The following EOGT variants were observed in gnomAD, a reference collection of about 807,000 sequenced individuals.
EOGT encodes the protein EGF domain specific O-linked N-acetylglucosamine transferase, also known as EGF domain-specific O-linked N-acetylglucosamine transferase.
In EOGT, 55 loss-of-function variants were observed where a neutral mutation model predicts 70.5. The observed-to-expected ratio is 0.78, with a 90% CI of 0.63 to 0.98. The LOEUF (loss-of-function observed/expected upper bound fraction) is 0.98, where lower values mean the gene tolerates loss of function less well. EOGT is among the 50% of genes least tolerant of loss of function. The pLI, the probability that EOGT is intolerant of heterozygous loss-of-function variation, is 0.00. For synonymous variants in EOGT, 246 were observed against 217.1 expected, an observed-to-expected ratio of 1.13 and a Z score of -1.17; for missense variants, 703 against 641.9, an observed-to-expected ratio of 1.10 and a Z score of -1.03.
rs2091638582 is a variant in EOGT at position 69,013,681 on chromosome 3, G to A, written c.-463C>T. 1 of 152,776 alleles carries A rather than the reference G, an allele frequency of 6.5e-6. No individual in the cohort carries two copies. The highest frequency in any genetic ancestry group is 6.5e-5 in the Admixed American group (1 of 15,290). 9.5% of individuals were successfully genotyped at this position (152,776 alleles called of 1,614,324 possible). On this transcript the variant is annotated 5_prime_UTR_variant, in exon 1 of 18. Transcript: ENST00000383701. ...GCTACTGCCGCTCACCGGAAACCTC[G>A]GGCGCGGGAGCTGGGCCAGGGGGCG...
chr3:69,007,571 G>T, intron 6 of EOGT, 142 bp downstream of exon 6: 3 of 312,328 alleles, frequency 9.6e-6, no homozygotes, highest in Non-Finnish European at 1.9e-5. Context: ...AGAATTCCTT[G>T]AACCTGGGAG....
intron 11 of EOGT, 104 bp from the exon 12 acceptor site, chr3:68,988,681 A>G: frequency 1.4e-6 from 1 of 713,180 alleles, no homozygotes; most frequent in East Asian, 2.7e-5. Flanking sequence ...TCCATTTTGC[A>G]TTGCTTGAAT....
At chr3:68,989,640 C>T (rs1216945078) in intron 10 of EOGT, among the ~76,000 whole-genome samples, 2 of 149,944 alleles carry the variant, frequency 1.3e-5, no homozygotes, top group Non-Finnish European at 2.9e-5. Flanking sequence ...CCCAGCTACT[C>T]GGGAGGCTGA....
rs2090451834 is a variant in EOGT, at chr3:68,975,531, T to G, written c.*2087A>C. On this transcript the variant is annotated 3_prime_UTR_variant, in exon 18 of 18. Coordinates refer to ENST00000383701, the MANE Select transcript of EOGT (RefSeq NM_001278689.2). ...TAAAATGAGGTAAGAAGACAAACGG[T>G]GAAACTTTTTTCAGATCATTTTTTC... 1 of 140,472 alleles carries G rather than the reference T, an allele frequency of 7.1e-6. No homozygotes were observed. The highest frequency in any genetic ancestry group is 2.8e-5 in the African/African-American group (1 of 35,984). The allele number at this position is 140,472 out of a possible 1,614,324, so 8.7% of individuals were successfully genotyped here.
chr3:68,996,647 G>A (rs1376216311), intron 10 of EOGT, among the ~76,000 whole-genome samples: 2 of 152,172 alleles, frequency 1.3e-5, no homozygotes, highest in Non-Finnish European at 2.9e-5. Context: ...TGCCCCAGGC[G>A]AATCTTGTCT....
chr3:69,009,641 T>C lies in EOGT; in HGVS notation c.206A>G (p.Tyr69Cys), dbSNP rs764182712. Reference sequence around the variant, plus strand: ...GAGAAAAGAAATAATACCTACCTTATATGGACAAAGAGAGTCTTTCCTACA... The same window carrying C: ...GAGAAAAGAAATAATACCTACCTTACATGGACAAAGAGAGTCTTTCCTACA... ...TVCRKDSLCP[Y>C]KKHLEKLKYC... The change falls in exon 4 of 18, where the codon TAT becomes TGT. Residue 69 changes from tyrosine to cysteine, a missense_variant. By Grantham distance (194) the Tyr-to-Cys change is radical (BLOSUM62 -2). Coordinates refer to ENST00000383701, the MANE Select transcript of EOGT (RefSeq NM_001278689.2). 1.7e-5 allele frequency: 27 copies of C among 1,610,756 alleles called. No homozygotes were observed. The highest frequency in any genetic ancestry group is 8.3e-5 in the Admixed American group (5 of 59,988).
chr3:69,011,004 G>C (rs2091560365), intron 3 of EOGT, among the ~76,000 whole-genome samples: 1 of 152,086 alleles, frequency 6.6e-6, no homozygotes, highest in South Asian at 2.1e-4. Context: ...ACACTAAGCA[G>C]TCTGCCTCAA....
intron 3 of EOGT, among the ~76,000 whole-genome samples, chr3:69,011,581 G>T (rs1176029869): frequency 7.4e-6 from 1 of 134,996 alleles, no homozygotes; most frequent in African/African-American, 2.8e-5. Flanking sequence ...GGTAATGCGA[G>T]GGAGACTCTG....
intron 9 of EOGT, among the ~76,000 whole-genome samples, chr3:68,999,541 TAATAACATTGTGTGCCAGA>T (rs1398315752): frequency 6.6e-6 from 1 of 152,196 alleles, no homozygotes; most frequent in Non-Finnish European, 1.5e-5. Flanking sequence ...CCACAGTGAA[TAATAACATTGTGTGCCAGA>T]AATAACAGTA....
chr3:68,990,538 G>GA (rs1408834669), intron 10 of EOGT, among the ~76,000 whole-genome samples: 1 of 152,006 alleles, frequency 6.6e-6, no homozygotes, highest in African/African-American at 2.4e-5. Context: ...TCTTTTGATA[G>GA]AGACAGGGTT....
intron 8 of EOGT, among the ~76,000 whole-genome samples, chr3:69,002,157 G>A (rs1291310570): frequency 6.6e-6 from 1 of 152,206 alleles, no homozygotes; most frequent in African/African-American, 2.4e-5. Context: ...GTGCCAAAAG[G>A]AGCCGAGGCT....
At chr3:68,983,128 G>A (rs2090697861) in intron 14 of EOGT, among the ~76,000 whole-genome samples, 1 of 152,220 alleles carries the variant, frequency 6.6e-6, no homozygotes, top group African/African-American at 2.4e-5. Flanking sequence ...GCACTGTGTT[G>A]CTGTGAGGCT....
intron 5 of EOGT, among the ~76,000 whole-genome samples, chr3:69,008,069 T>C (rs535368928): frequency 3.9e-5 from 6 of 152,318 alleles, no homozygotes; most frequent in African/African-American, 1.4e-4. Flanking sequence ...CTGAAGCCAA[T>C]GATGCATTCT....
intron 14 of EOGT, among the ~76,000 whole-genome samples, chr3:68,985,166 T>C (rs182216689): frequency 2.2e-4 from 33 of 152,310 alleles, no homozygotes; most frequent in African/African-American, 7.5e-4. Context: ...TACCAATATA[T>C]ACTGTTGATC....
At position 68,981,488 on chromosome 3, in the gene EOGT, G is replaced by A. The variant is rs567335598; in HGVS notation, c.1214+1323C>T. Among the ~76,000 whole-genome samples, 88 of 152,338 alleles carry A rather than the reference G, an allele frequency of 5.8e-4. 3 individuals carry two copies. In the South Asian group the frequency reaches 0.018, roughly 30 times the overall value. ...CACAGTGTTAGATTTGGGAAACACAGCTGTGACTGTAGGTGGACATGGAGA... is the reference window on the plus strand; with the variant it reads ...CACAGTGTTAGATTTGGGAAACACAACTGTGACTGTAGGTGGACATGGAGA... On this transcript the variant is annotated intron_variant, in intron 15 of 17. Coordinates refer to ENST00000383701, the MANE Select transcript of EOGT (RefSeq NM_001278689.2).
chr3:68,987,294 A>C (rs1241443550), intron 14 of EOGT, 151 bp downstream of exon 14: 4 of 664,738 alleles, frequency 6.0e-6, no homozygotes, highest in Non-Finnish European at 1.0e-5. Context: ...TAGAAATTCA[A>C]ATCTAATAAA....
intron 6 of EOGT, among the ~76,000 whole-genome samples, chr3:69,007,511 G>GGGGGGCGC (rs58828341): frequency 1.2e-5 from 1 of 80,472 alleles, no homozygotes; most frequent in East Asian, 3.3e-4. Flanking sequence ...AATTAGCGGG[G>GGGGGGCGC]GGGGGTGGCA....
chr3:68,987,631 G>T lies in EOGT; in HGVS notation c.1084-118C>A, dbSNP rs4855350. 262,588 of 737,700 alleles carry T rather than the reference G, an allele frequency of 0.36. 49,809 individuals are homozygous for T. Among genetic ancestry groups the T allele is most frequent in the East Asian group, 0.54 (19,856 of 36,814 alleles). The allele number at this position is 737,700 out of a possible 1,614,324, so 45.7% of individuals were successfully genotyped here. A position where few individuals can be genotyped will look rare whatever the true frequency, so the allele number is the denominator to read the frequency against. ...GAAACTCAACCAGGATACATTAATA[G>T]AACTCTTCTTTTTTAGCTTGATTCC... On this transcript the variant is annotated intron_variant, in intron 13 of 17. Transcript: ENST00000383701.
chr3:68,996,918 C>G (rs1233184611), intron 10 of EOGT, among the ~76,000 whole-genome samples: 1 of 152,216 alleles, frequency 6.6e-6, no homozygotes, highest in Non-Finnish European at 1.5e-5. Flanking sequence ...GTAATTGTCA[C>G]AGTTAACATT....
Sources: allele counts gnomAD v4.1 joint callset (sites outside exome capture counted in the v4.1 genomes callset), GRCh38; gene constraint gnomAD v4.1.1; transcripts MANE v1.5; gene names NCBI Gene and HGNC (gene_info 2026-07-23, HGNC 2026-07-21).